Variants in EXOC6 observed in about 807,000 individuals in gnomAD.
EXOC6 encodes the protein exocyst complex component 6, also known as SEC15-like 1.
Under a neutral mutation model 112.5 loss-of-function variants are expected in EXOC6, and 60 were observed. The observed-to-expected ratio is 0.53, with a 90% CI of 0.43 to 0.66. EXOC6 has a LOEUF of 0.66. Ranked by LOEUF, EXOC6 falls within the 30% of genes least tolerant of loss-of-function variation. The probability of loss-of-function intolerance (pLI) is 0.00; values close to 1 mark genes in which losing one functional copy is unlikely to be tolerated. For missense variants in EXOC6, 855 were observed against 957.1 expected (o/e 0.89, Z 1.41); for synonymous variants, 295 against 308.0 (o/e 0.96, Z 0.44).
intron 1 of EXOC6, among the ~76,000 whole-genome samples, chr10:92,861,226 CT>C (rs772026373): frequency 1.3e-5 from 2 of 152,194 alleles, no homozygotes; most frequent in South Asian, 2.1e-4. Context: ...ACCTCACCCC[CT>C]GATTATAATC....
At chr10:93,014,119 AAATT>A in intron 19 of EXOC6, 71 bp from the exon 20 acceptor site, 1 of 1,064,036 alleles carries the variant, frequency 9.4e-7, no homozygotes, top group Middle Eastern at 2.0e-4. Flanking sequence ...TAATGAGTAG[AAATT>A]AATTTATCAG....
intron 9 of EXOC6, among the ~76,000 whole-genome samples, chr10:92,931,438 T>G (rs1852032906): frequency 6.9e-6 from 1 of 145,658 alleles, no homozygotes; most frequent in Admixed American, 6.8e-5. Context: ...GGACATAGAG[T>G]GATATTTTGA....
At chr10:92,947,624 A>G (rs543601921) in intron 13 of EXOC6, among the ~76,000 whole-genome samples, 1 of 152,358 alleles carries the variant, frequency 6.6e-6, no homozygotes, top group East Asian at 1.9e-4. Context: ...GAATTATGAC[A>G]GGAGGCTGGG....
intron 17 of EXOC6, among the ~76,000 whole-genome samples, chr10:92,970,829 C>T (rs1004792095): frequency 6.6e-6 from 1 of 152,282 alleles, no homozygotes; most frequent in East Asian, 1.9e-4. Context: ...CCCACCATGG[C>T]AGTGAGTAGT....
intron 4 of EXOC6, among the ~76,000 whole-genome samples, chr10:92,896,216 T>G: frequency 1.2e-5 from 1 of 80,250 alleles, no homozygotes; most frequent in Non-Finnish European, 2.3e-5. Context: ...TTTTTTTTTT[T>G]TGGCGGAGTC....
intron 13 of EXOC6, among the ~76,000 whole-genome samples, chr10:92,946,839 A>ACT (rs1853046822): frequency 6.6e-6 from 1 of 152,086 alleles, no homozygotes. Flanking sequence ...CTACAGGACT[A>ACT]CTCACTTCTC....
chr10:92,997,778 A>G (rs1843560595), intron 19 of EXOC6, among the ~76,000 whole-genome samples, 163 bp downstream of exon 19: 3 of 152,202 alleles, frequency 2.0e-5, no homozygotes, highest in Admixed American at 2.0e-4. Flanking sequence ...AAACAGGAAG[A>G]TAAAAATATC....
chr10:92,916,574 A>G (rs972426202), intron 7 of EXOC6, among the ~76,000 whole-genome samples: 2 of 152,166 alleles, frequency 1.3e-5, no homozygotes, highest in African/African-American at 2.4e-5. Flanking sequence ...GGGCCTAACC[A>G]TAACTCCAAA....
At chr10:92,896,171 ATATATATATATTTTTTTTTTTTTTTTTTT>A (rs1849793567) in intron 4 of EXOC6, among the ~76,000 whole-genome samples, 9 of 25,216 alleles carry the variant, frequency 3.6e-4, no homozygotes, top group South Asian at 1.9e-3. Flanking sequence ...ATATATATAT[ATATATATATATTTTTTTTTTTTTTTTTTT>A]TTTTTTTTTT....
chr10:92,914,823 C>A (rs1850992889), intron 6 of EXOC6, among the ~76,000 whole-genome samples: 2 of 152,066 alleles, frequency 1.3e-5, no homozygotes, highest in South Asian at 4.1e-4. Flanking sequence ...GCTAACAGAA[C>A]AAAATAGCAA....
chr10:92,889,780 C>T (rs567562814), intron 1 of EXOC6, among the ~76,000 whole-genome samples: 17 of 150,844 alleles, frequency 1.1e-4, no homozygotes, highest in Middle Eastern at 6.8e-3. Context: ...GTGGGGGTTG[C>T]GCTCTGTCAC....
intron 20 of EXOC6, among the ~76,000 whole-genome samples, chr10:93,046,628 G>GT (rs1383364040): frequency 1.4e-5 from 2 of 146,828 alleles, no homozygotes; most frequent in African/African-American, 5.1e-5. Context: ...ACCGAGTTTT[G>GT]TTCTTGTCAC....
chr10:92,934,265 A>AG (rs1436588452), intron 10 of EXOC6, 45 bp from the exon 11 acceptor site: 1 of 1,541,912 alleles, frequency 6.5e-7, no homozygotes. Flanking sequence ...ACTTTCTATT[A>AG]GGGTTTTTTT....
intron 20 of EXOC6, among the ~76,000 whole-genome samples, chr10:93,045,911 C>A (rs369201694): frequency 3.9e-5 from 6 of 152,174 alleles, no homozygotes; most frequent in African/African-American, 1.4e-4. Flanking sequence ...TTAGTACGTC[C>A]TATGGCACAA....
chr10:92,830,785 A>T (rs1272966671), upstream of EXOC6, among the ~76,000 whole-genome samples: 5 of 152,114 alleles, frequency 3.3e-5, no homozygotes, highest in Admixed American at 3.3e-4. Flanking sequence ...CAGTGGTCAG[A>T]CTTAATCCTA....
chr10:92,955,019 C>T (rs1415346895), intron 16 of EXOC6, among the ~76,000 whole-genome samples: 1 of 151,990 alleles, frequency 6.6e-6, no homozygotes, highest in Non-Finnish European at 1.5e-5. Flanking sequence ...TAGTGAGACC[C>T]TGTTTCTACA....
intron 18 of EXOC6, among the ~76,000 whole-genome samples, chr10:92,982,131 A>C (rs1311845190): frequency 6.6e-6 from 1 of 152,096 alleles, no homozygotes; most frequent in East Asian, 1.9e-4. Flanking sequence ...AAACCAAACA[A>C]AAAAACCAGA....
At chr10:93,010,700 TAAA>T (rs538429286) in intron 19 of EXOC6, among the ~76,000 whole-genome samples, 55 of 131,682 alleles carry the variant, frequency 4.2e-4, no homozygotes, top group African/African-American at 1.5e-3. Context: ...CTCCATCTCT[TAAA>T]AAAAAAAAAA....
At chr10:92,887,559 C>T (rs994944966) in intron 1 of EXOC6, among the ~76,000 whole-genome samples, 1 of 151,776 alleles carries the variant, frequency 6.6e-6, no homozygotes, top group African/African-American at 2.4e-5. Flanking sequence ...GCCACCACAC[C>T]CAGCTAATTT....
Sources: gnomAD v4.1 joint callset for allele counts (sites outside exome capture counted in the v4.1 genomes callset) on GRCh38, gnomAD v4.1.1 for gene constraint, MANE v1.5 for transcripts, NCBI Gene and HGNC (gene_info 2026-07-23, HGNC 2026-07-21) for gene names.